The following DAPK2 variants were observed in gnomAD, a reference collection of about 807,000 sequenced individuals.
DAPK2 encodes death-associated protein kinase 2.
Under a neutral mutation model 44.1 loss-of-function variants are expected in DAPK2, and 35 were observed. That is an observed-to-expected ratio of 0.79 (90% CI 0.61 to 1.05). DAPK2 has a LOEUF of 1.05. Ranked by LOEUF, DAPK2 falls within the 50% of genes least tolerant of loss-of-function variation. The pLI, the probability that DAPK2 is intolerant of heterozygous loss-of-function variation, is 0.00. For missense variants in DAPK2, 453 were observed against 483.2 expected, an observed-to-expected ratio of 0.94 and a Z score of 0.59; for synonymous variants, 174 against 182.6, an observed-to-expected ratio of 0.95 and a Z score of 0.38.
At chr15:63,960,391 A>G (rs113071585) in intron 3 of DAPK2, among the ~76,000 whole-genome samples, 1 of 152,130 alleles carries the variant, frequency 6.6e-6, no homozygotes, top group Non-Finnish European at 1.5e-5. Context: ...GCCTTCTGCT[A>G]GCTTTTGAAT....
chr15:63,922,929 C>T, intron 8 of DAPK2: 1 of 1,535,948 alleles, frequency 6.5e-7, no homozygotes, highest in Non-Finnish European at 8.7e-7. Flanking sequence ...TCAAACTGGG[C>T]TTGCAGATGG....
intron 2 of DAPK2, among the ~76,000 whole-genome samples, chr15:63,975,548 A>C (rs140968899): frequency 6.6e-6 from 1 of 152,154 alleles, no homozygotes; most frequent in East Asian, 1.9e-4. Flanking sequence ...AAACCCAAGC[A>C]GAACAGCTCT....
chr15:63,948,926 C>A (rs755929949), intron 3 of DAPK2, among the ~76,000 whole-genome samples: 4 of 152,184 alleles, frequency 2.6e-5, no homozygotes, highest in Non-Finnish European at 4.4e-5. Context: ...GCCCACACTG[C>A]CTCAGCTAAT....
At chr15:63,960,301 G>C (rs1308945901) in intron 3 of DAPK2, among the ~76,000 whole-genome samples, 1 of 152,066 alleles carries the variant, frequency 6.6e-6, no homozygotes, top group African/African-American at 2.4e-5. Flanking sequence ...CAAAAAACCA[G>C]CTCCTGGATT....
intron 1 of DAPK2, among the ~76,000 whole-genome samples, chr15:64,031,179 A>G (rs571619869): frequency 1.4e-4 from 21 of 151,966 alleles, no homozygotes; most frequent in Middle Eastern, 3.5e-3. Context: ...TCCAAGTCCA[A>G]TTGTTCTGAA....
At chr15:63,941,695 C>T (rs1481662755) in intron 3 of DAPK2, among the ~76,000 whole-genome samples, 1 of 152,140 alleles carries the variant, frequency 6.6e-6, no homozygotes, top group Non-Finnish European at 1.5e-5. Flanking sequence ...TCTTCTTCCC[C>T]TCTGGAGATT....
intron 7 of DAPK2, 114 bp downstream of exon 8, chr15:63,925,827 C>T (rs2079240950): frequency 7.3e-7 from 1 of 1,375,040 alleles, no homozygotes; most frequent in African/African-American, 1.4e-5. Context: ...CGGATTAGAC[C>T]ACAACAGTGC....
At chr15:63,947,556 T>C (rs994894555) in intron 3 of DAPK2, among the ~76,000 whole-genome samples, 1 of 152,210 alleles carries the variant, frequency 6.6e-6, no homozygotes, top group African/African-American at 2.4e-5. Context: ...CTCTGCCATT[T>C]ATCAGCAGCC....
chr15:63,986,569 G>C (rs2078673598), intron 1 of DAPK2, among the ~76,000 whole-genome samples: 3 of 152,080 alleles, frequency 2.0e-5, no homozygotes, highest in African/African-American at 7.2e-5. Flanking sequence ...GGGACCACAG[G>C]TGCCTGCCAC....
chr15:64,032,610 T>A (rs1407413515), intron 1 of DAPK2, among the ~76,000 whole-genome samples: 2 of 152,114 alleles, frequency 1.3e-5, no homozygotes, highest in Non-Finnish European at 2.9e-5. Context: ...GAGCAGGAAG[T>A]CTGTGGGTAT....
At chr15:64,024,556 G>A (rs1277386502) in intron 1 of DAPK2, among the ~76,000 whole-genome samples, 1 of 152,208 alleles carries the variant, frequency 6.6e-6, no homozygotes, top group Non-Finnish European at 1.5e-5. Flanking sequence ...GAGCCTATGA[G>A]TGCAAAGCAC....
At chr15:63,971,520 T>C in exon 3 of DAPK2, 1 of 1,614,166 alleles carries the variant, frequency 6.2e-7, no homozygotes, top group South Asian at 1.1e-5. Flanking sequence ...ACTCAGTGAC[T>C]CCTTCTGGGC....
At chr15:63,921,195 A>C (rs1156732976) in intron 8 of DAPK2, 1 of 152,258 alleles carries the variant, frequency 6.6e-6, no homozygotes, top group Non-Finnish European at 1.5e-5. Flanking sequence ...GTGCCTAAGT[A>C]TAATTTATAA....
At chr15:64,012,994 C>A (rs1450930617) in intron 1 of DAPK2, among the ~76,000 whole-genome samples, 1 of 152,096 alleles carries the variant, frequency 6.6e-6, no homozygotes, top group African/African-American at 2.4e-5. Context: ...TAAATTGTAT[C>A]TTCGATATGA....
At chr15:63,973,281 C>G (rs1272000511) in intron 2 of DAPK2, among the ~76,000 whole-genome samples, 2 of 152,198 alleles carry the variant, frequency 1.3e-5, no homozygotes, top group African/African-American at 4.8e-5. Flanking sequence ...AGCTGGTGGG[C>G]CCCTGGGCAG....
intron 2 of DAPK2, among the ~76,000 whole-genome samples, 185 bp from the exon 4 acceptor site, chr15:63,971,746 T>C (rs2078219462): frequency 1.3e-5 from 2 of 152,234 alleles, no homozygotes; most frequent in African/African-American, 4.8e-5. Context: ...CCTATTTGCT[T>C]TGTTCTTTCT....
intron 6 of DAPK2, among the ~76,000 whole-genome samples, chr15:63,927,273 G>C (rs1048970268): frequency 6.6e-6 from 1 of 152,040 alleles, no homozygotes; most frequent in Admixed American, 6.6e-5. Flanking sequence ...CTAAACTCTT[G>C]AGCAAGGCAT....
At chr15:63,926,760 C>G (rs904916957) in intron 6 of DAPK2, among the ~76,000 whole-genome samples, 1 of 152,128 alleles carries the variant, frequency 6.6e-6, no homozygotes, top group African/African-American at 2.4e-5. Context: ...GTGCCATTGT[C>G]CCAAACTCAT....
intron 1 of DAPK2, among the ~76,000 whole-genome samples, chr15:63,988,294 C>T (rs993973985): frequency 6.6e-6 from 1 of 152,048 alleles, no homozygotes; most frequent in East Asian, 1.9e-4. Context: ...GCCCAGGACT[C>T]ACATTAAAAG....
Sources: allele counts gnomAD v4.1 joint callset (sites outside exome capture counted in the v4.1 genomes callset), GRCh38; gene constraint gnomAD v4.1.1; transcripts MANE v1.5; gene names NCBI Gene and HGNC (gene_info 2026-07-23, HGNC 2026-07-21).